Variants in ANXA8 observed in about 807,000 individuals in gnomAD.
The protein encoded by ANXA8 is annexin A8.
ANXA8 carries 9 observed loss-of-function variants against 26.8 expected under a neutral mutation model. The ratio of observed to expected loss-of-function variants is 0.34; its 90% confidence interval spans 0.20 to 0.59. The LOEUF (loss-of-function observed/expected upper bound fraction) is 0.59, where lower values mean the gene tolerates loss of function less well. Among genes scored for constraint, ANXA8 ranks in the 20% least tolerant of loss-of-function variants. ANXA8 has a pLI of 0.84. For synonymous variants in ANXA8, 39 were observed against 94.8 expected, an observed-to-expected ratio of 0.41 and a Z score of 3.42; for missense variants, 83 against 238.5, an observed-to-expected ratio of 0.35 and a Z score of 4.29.
the ANXA8 span, among the ~76,000 whole-genome samples, chr10:47,705,398 GATAGA>G: frequency 2.3e-5 from 3 of 130,212 alleles, no homozygotes; most frequent in Non-Finnish European, 3.2e-5. Context: ...TGTAGATGTT[GATAGA>G]ATAGAAGGGG....
At chr10:47,506,310 G>A in the ANXA8 span, among the ~76,000 whole-genome samples, 4 of 136,436 alleles carry the variant, frequency 2.9e-5, no homozygotes, top group Admixed American at 1.5e-4. Flanking sequence ...ATATTTGCAT[G>A]AGGTTAGGTC....
chr10:47,881,694 T>TGA, the ANXA8 span, among the ~76,000 whole-genome samples: 16 of 53,280 alleles, frequency 3.0e-4, no homozygotes, highest in African/African-American at 9.8e-4. Flanking sequence ...TGTGTGAGCA[T>TGA]GCGTGTGTGT....
chr10:47,971,128 G>A, the ANXA8 span, among the ~76,000 whole-genome samples: 1 of 151,276 alleles, frequency 6.6e-6, no homozygotes, highest in African/African-American at 2.4e-5. Flanking sequence ...TGACCACAGG[G>A]CTCTGGTTTG....
the ANXA8 span, among the ~76,000 whole-genome samples, chr10:47,670,905 C>T: frequency 6.7e-6 from 1 of 149,526 alleles, no homozygotes; most frequent in African/African-American, 2.5e-5. Context: ...GTTTATTTAC[C>T]AGGTTATTTG....
the ANXA8 span, among the ~76,000 whole-genome samples, chr10:47,649,512 G>A: frequency 4.0e-3 from 597 of 150,244 alleles, 1 homozygote; most frequent in Middle Eastern, 6.9e-3. Flanking sequence ...GGGTTCAAGC[G>A]ATTCTCCTGT....
chr10:47,699,932 T>C, the ANXA8 span, among the ~76,000 whole-genome samples: 2 of 151,730 alleles, frequency 1.3e-5, no homozygotes, highest in Non-Finnish European at 2.9e-5. Context: ...ATAAAGAAGA[T>C]AGTTCAAAAT....
the ANXA8 span, among the ~76,000 whole-genome samples, chr10:47,572,175 G>C: frequency 7.4e-6 from 1 of 135,904 alleles, no homozygotes; most frequent in Non-Finnish European, 1.6e-5. Flanking sequence ...ATGAGTTGAG[G>C]AGTGTTCCTT....
the ANXA8 span, among the ~76,000 whole-genome samples, chr10:47,948,622 C>T: frequency 6.7e-6 from 1 of 148,832 alleles, no homozygotes; most frequent in Non-Finnish European, 1.5e-5. Flanking sequence ...GGAAAATATT[C>T]ATGCAAGTAT....
chr10:47,688,426 ATT>A, the ANXA8 span, among the ~76,000 whole-genome samples: 3 of 140,322 alleles, frequency 2.1e-5, no homozygotes, highest in Non-Finnish European at 1.6e-5. Context: ...AAAATGAGTA[ATT>A]TTTTTTTTTT....
chr10:47,975,990 T>A, the ANXA8 span, among the ~76,000 whole-genome samples: 3 of 150,222 alleles, frequency 2.0e-5, no homozygotes, highest in Admixed American at 2.0e-4. Flanking sequence ...GACTGAAGGG[T>A]AAATTGATTT....
the ANXA8 span, among the ~76,000 whole-genome samples, chr10:47,652,985 T>G: frequency 6.6e-6 from 1 of 151,330 alleles, no homozygotes; most frequent in Non-Finnish European, 1.5e-5. Flanking sequence ...ACTGGATTGG[T>G]AGGGACAAGG....
At chr10:47,939,252 G>A in the ANXA8 span, among the ~76,000 whole-genome samples, 15 of 134,242 alleles carry the variant, frequency 1.1e-4, 2 homozygotes, top group African/African-American at 3.7e-4. Context: ...GCAGTGAGCC[G>A]AGATCACACC....
the ANXA8 span, among the ~76,000 whole-genome samples, chr10:47,696,011 A>G: frequency 1.3e-5 from 2 of 151,806 alleles, no homozygotes; most frequent in Non-Finnish European, 2.9e-5. Flanking sequence ...GGACCAGTGC[A>G]TACTGAATAT....
the ANXA8 span, among the ~76,000 whole-genome samples, chr10:47,736,624 G>A: frequency 6.6e-6 from 1 of 151,216 alleles, no homozygotes; most frequent in Non-Finnish European, 1.5e-5. Context: ...TGTTTTAATT[G>A]GAATTTTTTT....
chr10:47,736,567 G>T, the ANXA8 span, among the ~76,000 whole-genome samples: 22 of 148,522 alleles, frequency 1.5e-4, no homozygotes, highest in Non-Finnish European at 3.1e-4. Context: ...TCTCTAAACT[G>T]AATGGCATAA....
the ANXA8 span, chr10:47,563,552 T>A: frequency 1.2e-6 from 1 of 829,464 alleles, no homozygotes; most frequent in Non-Finnish European, 2.1e-6. Context: ...GTTCTAAATA[T>A]ATCCCCTTCT....
the ANXA8 span, among the ~76,000 whole-genome samples, chr10:47,639,490 G>C: frequency 6.6e-6 from 1 of 152,292 alleles, no homozygotes; most frequent in South Asian, 2.1e-4. Flanking sequence ...TTTTTTGTGT[G>C]TGTTTTTAGT....
the ANXA8 span, among the ~76,000 whole-genome samples, chr10:47,698,194 A>G: frequency 9.2e-4 from 137 of 149,092 alleles, 3 homozygotes; most frequent in African/African-American, 3.3e-3. Context: ...GTTTCAAGGC[A>G]TGTTAAGTTT....
At chr10:47,498,293 T>G in the ANXA8 span, among the ~76,000 whole-genome samples, 1 of 147,790 alleles carries the variant, frequency 6.8e-6, no homozygotes, top group Non-Finnish European at 1.5e-5. Flanking sequence ...TAGCGTAATG[T>G]CCTCAATGTT....
Sources: allele counts gnomAD v4.1 joint callset (sites outside exome capture counted in the v4.1 genomes callset), GRCh38; gene constraint gnomAD v4.1.1; transcripts MANE v1.5; gene names NCBI Gene and HGNC (gene_info 2026-07-23, HGNC 2026-07-21).